ERI3: variants seen among roughly 807,000 people sequenced by gnomAD.
ERI3 encodes ERI1 exoribonuclease 3.
Under a neutral mutation model 44.4 loss-of-function variants are expected in ERI3, and 18 were observed. The observed-to-expected ratio is 0.41, with a 90% CI of 0.28 to 0.60. The LOEUF (loss-of-function observed/expected upper bound fraction) is 0.60. Ranked by LOEUF, ERI3 falls within the 20% of genes least tolerant of loss-of-function variation. The pLI is 0.36. For missense variants in ERI3, 294 were observed against 435.5 expected, an observed-to-expected ratio of 0.68 and a Z score of 2.89; for synonymous variants, 183 against 164.8, an observed-to-expected ratio of 1.11 and a Z score of -0.84.
At chr1:44,283,879 C>A in intron 7 of ERI3, 1 of 410,064 alleles carries the variant, frequency 2.4e-6, no homozygotes, top group Non-Finnish European at 5.0e-6. Flanking sequence ...CTCCTCCTAT[C>A]CATATCCCAC....
intron 7 of ERI3, among the ~76,000 whole-genome samples, chr1:44,256,343 G>A (rs969399728): frequency 6.6e-6 from 1 of 152,156 alleles, no homozygotes; most frequent in Non-Finnish European, 1.5e-5. Context: ...AACTGTTGCT[G>A]TCTCCTCCTT....
At chr1:44,248,702 AGTGTGTGTGT>A (rs143570480) in intron 7 of ERI3, among the ~76,000 whole-genome samples, 5 of 148,380 alleles carry the variant, frequency 3.4e-5, no homozygotes, top group Non-Finnish European at 7.5e-5. Flanking sequence ...TGTGAGAGAG[AGTGTGTGTGT>A]GTGTGTGTGT....
At chr1:44,328,869 T>G (rs1646370951) in intron 3 of ERI3, among the ~76,000 whole-genome samples, 1 of 152,178 alleles carries the variant, frequency 6.6e-6, no homozygotes, top group Admixed American at 6.5e-5. Context: ...CTAAGTCTGC[T>G]AACCATCGCT....
At position 44,344,506 on chromosome 1, in the gene ERI3, G is replaced by A. The variant is rs548839945; in HGVS notation, c.212-5184C>T. ...CAATGCCCACTTCACTGGCACTCCT[G>A]CTACCATACAGCCTTCTCAGGAAAC... On this transcript the variant is annotated intron_variant, in intron 2 of 8. Transcript: ENST00000372257. Among the ~76,000 whole-genome samples the A allele has an allele frequency of 7.9e-5, 12 of 152,164 alleles. No individual in the cohort carries two copies. The South Asian group carries it at 2.3e-3, about 29-fold the overall frequency.
chr1:44,339,271 G>A lies in ERI3; in HGVS notation c.263C>T (p.Ala88Val), dbSNP rs765094006. 2 of 1,611,128 alleles carry A rather than the reference G, an allele frequency of 1.2e-6. No individual in the cohort carries two copies. The highest frequency in any genetic ancestry group is 1.7e-6 in the Non-Finnish European group (2 of 1,179,504). ...SMLAPLQTGAARFSSYLLSRA... is the reference protein window; with the variant it reads ...SMLAPLQTGAVRFSSYLLSRA... Reference sequence around the variant, plus strand: ...TGAAAGTAAATACGAAGAAAATCGAGCTGCTCCAGTCTGTAAAGGTGCTAG... The same window carrying A: ...TGAAAGTAAATACGAAGAAAATCGAACTGCTCCAGTCTGTAAAGGTGCTAG... Residue 88 changes from alanine to valine, a missense_variant, in exon 3 of 9, where the codon GCT becomes GTT. Around this residue, in one of 2 missense-constraint regions of ERI3, gnomAD observed 187 missense variants for 338.6 expected, o/e 0.55. Transcript: ENST00000372257.
At chr1:44,312,388 A>C (rs1229735125) in intron 5 of ERI3, among the ~76,000 whole-genome samples, 1 of 151,804 alleles carries the variant, frequency 6.6e-6, no homozygotes, top group Non-Finnish European at 1.5e-5. Context: ...TGGGAGGGGG[A>C]CCTTCTCCCC....
Position 44,221,338 on chromosome 1 carries a change from G to C in ERI3, c.*220C>G, listed in dbSNP as rs11557485. On this transcript the variant is annotated 3_prime_UTR_variant, in exon 9 of 9. Transcript: ENST00000372257. The surrounding 1 kb of genome is among the most constrained non-coding windows in gnomAD (Gnocchi z 5.9). Reference sequence around the variant, plus strand: ...GCTGATACTGGGCTGAGATTGAGGGGTGGGGATGGGGGGCACAAAGTGTCT... The same window carrying C: ...GCTGATACTGGGCTGAGATTGAGGGCTGGGGATGGGGGGCACAAAGTGTCT... 1.1e-5 allele frequency: 6 copies of C among 561,138 alleles called. 1 individual carries two copies. In the East Asian group the frequency reaches 1.8e-4, roughly 17 times the overall value. 34.8% of individuals were successfully genotyped at this position (561,138 alleles called of 1,614,324 possible).
At chr1:44,336,712 A>T (rs1164398683) in intron 3 of ERI3, among the ~76,000 whole-genome samples, 1 of 152,252 alleles carries the variant, frequency 6.6e-6, no homozygotes, top group African/African-American at 2.4e-5. Context: ...AATTTCCAAG[A>T]TCATTCGTAT....
In ERI3 at chr1:44,270,666, C is replaced by CTT. The variant is rs552807633; in HGVS notation, c.831+14168_831+14169insAA. ...TGCCTCATTTGACAGAATACAGACT[C>CTT]TAAGCAGCAGCCAGCAAGAGAAGGC... On this transcript the variant is annotated intron_variant, in intron 7 of 8. Coordinates refer to ENST00000372257, the MANE Select transcript of ERI3 (RefSeq NM_024066.3). Among the ~76,000 whole-genome samples the CTT allele has an allele frequency of 3.9e-4, 60 of 152,304 alleles. 2 individuals carry two copies. The South Asian group carries it at 0.011, about 29-fold the overall frequency.
chr1:44,234,176 T>G (rs17414912), intron 8 of ERI3, among the ~76,000 whole-genome samples: 28,654 of 152,160 alleles, frequency 0.19, 3,140 homozygotes, highest in South Asian at 0.4. Flanking sequence ...GGAGCTTTAA[T>G]TACCATATAT....
intron 7 of ERI3, among the ~76,000 whole-genome samples, chr1:44,278,576 A>G (rs751359853): frequency 1.2e-4 from 19 of 152,180 alleles, no homozygotes; most frequent in Non-Finnish European, 2.2e-4. Context: ...TACTAAACAT[A>G]AAATTTTTCA....
At chr1:44,339,971 T>A (rs1171191957) in intron 2 of ERI3, among the ~76,000 whole-genome samples, 1 of 152,202 alleles carries the variant, frequency 6.6e-6, no homozygotes, top group African/African-American at 2.4e-5. Flanking sequence ...GAACAGTGCC[T>A]GGAGAGCACA....
intron 6 of ERI3, among the ~76,000 whole-genome samples, chr1:44,288,670 G>A (rs1482980214): frequency 1.3e-5 from 2 of 152,170 alleles, no homozygotes; most frequent in African/African-American, 4.8e-5. Context: ...TGACTGCACA[G>A]GCATAAGCTG....
intron 7 of ERI3, among the ~76,000 whole-genome samples, chr1:44,262,528 C>T (rs142896268): frequency 1.2e-4 from 19 of 152,354 alleles, no homozygotes; most frequent in African/African-American, 4.3e-4. Context: ...TGGGCACCCA[C>T]GCCCTCACAA....
At chr1:44,260,707 A>T (rs1644876326) in intron 7 of ERI3, among the ~76,000 whole-genome samples, 1 of 152,028 alleles carries the variant, frequency 6.6e-6, no homozygotes, top group Non-Finnish European at 1.5e-5. Context: ...CTTGATCTGA[A>T]ATTCATCAGA....
chr1:44,278,144 C>A (rs1193053200), intron 7 of ERI3, among the ~76,000 whole-genome samples: 1 of 152,138 alleles, frequency 6.6e-6, no homozygotes, highest in Non-Finnish European at 1.5e-5. Context: ...GTAACTTACA[C>A]TTACTGTACA....
chr1:44,318,123 T>TAGC (rs1646128795), intron 4 of ERI3, among the ~76,000 whole-genome samples: 1 of 152,144 alleles, frequency 6.6e-6, no homozygotes, highest in Non-Finnish European at 1.5e-5. Context: ...CCACAAAAAG[T>TAGC]AGCAGCAGCA....
intron 8 of ERI3, among the ~76,000 whole-genome samples, chr1:44,226,844 TCA>T (rs1257554076): frequency 6.6e-6 from 1 of 151,646 alleles, no homozygotes; most frequent in African/African-American, 2.4e-5. Flanking sequence ...TCTAATACTT[TCA>T]GTTTTTTTAA....
intron 7 of ERI3, among the ~76,000 whole-genome samples, chr1:44,258,324 T>C (rs1644820397): frequency 6.6e-6 from 1 of 152,182 alleles, no homozygotes; most frequent in African/African-American, 2.4e-5. Context: ...AATCCTTTAT[T>C]GAGCATGCGG....
Sources: gnomAD v4.1 joint callset for allele counts (sites outside exome capture counted in the v4.1 genomes callset) on GRCh38, gnomAD v4.1.1 for gene constraint, gnomAD v4.1.1 regional missense constraint, Gnocchi (gnomAD v3.1) non-coding constraint, MANE v1.5 for transcripts, NCBI Gene and HGNC (gene_info 2026-07-23, HGNC 2026-07-21) for gene names.